The following ZNF337 variants were observed in gnomAD, a reference collection of about 807,000 sequenced individuals.
The protein encoded by ZNF337 is zinc finger protein 337.
Under a neutral mutation model 12.1 loss-of-function variants are expected in ZNF337, and 8 were observed. That is an observed-to-expected ratio of 0.66 (90% CI 0.39 to 1.19). The LOEUF is 1.19. Ranked by LOEUF, ZNF337 falls within the 50% of genes most tolerant of loss-of-function variation. ZNF337 has a pLI of 0.01. For synonymous variants in ZNF337, 336 were observed against 320.0 expected (o/e 1.05, Z -0.53); for missense variants, 882 against 896.6 (o/e 0.98, Z 0.21).
Position 25,675,186 on chromosome 20 carries a change from G to A in ZNF337, c.2102C>T (p.Thr701Ile), listed in dbSNP as rs565251137. Residue 701 changes from threonine (T) to isoleucine (I), a missense_variant, in exon 5 of 5, where the codon ACT becomes ATT. Physicochemically the swap from Thr to Ile is moderately conservative, Grantham distance 89 (BLOSUM62 -1). Coordinates refer to ENST00000252979, the MANE Select transcript of ZNF337 (RefSeq NM_015655.4). ...TCCTGTGTGTATTCTTTCATGCACA[G>A]TGAGGTCTGACTTACTGGTATAGCC... ...KRGYTSKSDL[T>I]VHERIHTGER... 2 of 1,614,252 alleles carry A rather than the reference G, an allele frequency of 1.2e-6. No homozygotes were observed. Among genetic ancestry groups the A allele is most frequent in the Non-Finnish European group, 1.7e-6 (2 of 1,180,046 alleles).
chr20:25,687,399 A>C (rs1342713232), intron 1 of ZNF337, among the ~76,000 whole-genome samples: 4 of 152,242 alleles, frequency 2.6e-5, no homozygotes, highest in African/African-American at 9.6e-5. Context: ...ATTTCATTAG[A>C]GTATTCACTA....
intron 1 of ZNF337, among the ~76,000 whole-genome samples, chr20:25,692,268 A>C (rs1569017243): frequency 6.6e-6 from 1 of 152,208 alleles, no homozygotes; most frequent in African/African-American, 2.4e-5. Context: ...TTTCTGCATA[A>C]ACTGGGTAAT....
At chr20:25,692,374 A>C (rs1437236900) in intron 1 of ZNF337, among the ~76,000 whole-genome samples, 1 of 152,180 alleles carries the variant, frequency 6.6e-6, no homozygotes, top group African/African-American at 2.4e-5. Context: ...TAGTCCTCAG[A>C]GAAGTAGCTG....
chr20:25,685,479 G>A lies in ZNF337; in HGVS notation c.250+88C>T, dbSNP rs912609588. On this transcript the variant is annotated intron_variant, in intron 4 of 4. Transcript: ENST00000252979. ...AAGAGCAGCCAAGGAGGCCAGAACA[G>A]CTTCCAGGTCCCCTGGCCTCAGAGA... is the stretch of plus-strand genomic sequence containing the variant. 5 of 1,130,356 alleles carry A rather than the reference G, an allele frequency of 4.4e-6. No homozygotes were observed. In the African/African-American group the frequency reaches 6.2e-5, roughly 14 times the overall value. The allele number at this position is 1,130,356 out of a possible 1,614,324, so 70.0% of individuals were successfully genotyped here. A position where few individuals can be genotyped will look rare whatever the true frequency, so the allele number is the denominator to read the frequency against.
intron 4 of ZNF337, chr20:25,680,808 C>CT (rs1188548144): frequency 2.0e-5 from 3 of 152,242 alleles, no homozygotes; most frequent in Non-Finnish European, 4.4e-5. Context: ...ACTGAACCAG[C>CT]TTTGTCATCC....
chr20:25,694,478 G>A (rs1391272220), intron 1 of ZNF337, among the ~76,000 whole-genome samples: 1 of 152,042 alleles, frequency 6.6e-6, no homozygotes, highest in Admixed American at 6.5e-5. Context: ...CTACTTGGGG[G>A]TTCTGCTGAC....
chr20:25,685,698 G>A (rs1173919213), intron 3 of ZNF337, 36 bp from the exon 4 acceptor site: 5 of 1,583,278 alleles, frequency 3.2e-6, no homozygotes, highest in African/African-American at 1.3e-5. Flanking sequence ...GGTGACTCCT[G>A]GTTGTAGGCT....
rs775186278 is a variant in ZNF337 at position 25,676,791 on chromosome 20, T to A, written c.497A>T (p.Asp166Val). The change falls in exon 5 of 5, where the codon GAC becomes GTC. Residue 166 changes from aspartate (D) to valine (V), a missense_variant. Physicochemically the swap from Asp to Val is radical, Grantham distance 152. Coordinates refer to ENST00000252979, the MANE Select transcript of ZNF337 (RefSeq NM_015655.4). ...ATTTTCTATTCCTTTCAATACTTTG[T>A]CTATTTCTGTAGGATTTTCCCTCTG... ...QGQRENPTEI[D>V]KVLKGIENSR... The A allele has an allele frequency of 1.2e-6, 2 of 1,614,238 alleles. No individual in the cohort carries two copies. Among genetic ancestry groups the A allele is most frequent in the South Asian group, 1.1e-5 (1 of 91,086 alleles).
intron 4 of ZNF337, among the ~76,000 whole-genome samples, chr20:25,682,578 A>G (rs2065779972): frequency 6.6e-6 from 1 of 152,172 alleles, no homozygotes; most frequent in Admixed American, 6.5e-5. Context: ...TATGTCTGTA[A>G]TCCCAGCACT....
In ZNF337 at chr20:25,675,553, G is replaced by C; in HGVS notation, c.1735C>G (p.Arg579Gly). ...ERPFNCKDCG[R>G]GFILKSTLLF... ...AGAGTTGATTTTAGGATGAAGCCTC[G>C]CCCGCAATCCTTGCAATTAAATGGC... Residue 579 changes from arginine (R) to glycine (G), a missense_variant, in exon 5 of 5, where the codon CGA (arginine) becomes GGA (glycine). Physicochemically the swap from Arg to Gly is moderately radical, Grantham distance 125. Coordinates refer to ENST00000252979, the MANE Select transcript of ZNF337 (RefSeq NM_015655.4). 5 of 1,613,932 alleles carry C rather than the reference G, an allele frequency of 3.1e-6. No individual in the cohort carries two copies. Among genetic ancestry groups the C allele is most frequent in the Non-Finnish European group, 4.2e-6 (5 of 1,179,976 alleles).
At chr20:25,692,244 T>C (rs546222253) in intron 1 of ZNF337, among the ~76,000 whole-genome samples, 17 of 152,330 alleles carry the variant, frequency 1.1e-4, no homozygotes, top group Admixed American at 3.9e-4. Flanking sequence ...GAGAAATTTT[T>C]GAGACCTGGA....
intron 1 of ZNF337, among the ~76,000 whole-genome samples, chr20:25,687,987 T>C (rs775841394): frequency 1.3e-5 from 2 of 152,268 alleles, no homozygotes; most frequent in African/African-American, 4.8e-5. Context: ...TTGACTCTGA[T>C]ACTTTTTGGT....
At chr20:25,684,023 G>A (rs914130561) in intron 4 of ZNF337, among the ~76,000 whole-genome samples, 16 of 151,918 alleles carry the variant, frequency 1.1e-4, no homozygotes, top group South Asian at 4.2e-4. Context: ...CTATGCAGCC[G>A]TAAAAAATGA....
chr20:25,674,935 T>A lies in ZNF337; in HGVS notation c.*97A>T. 3 of 1,134,232 alleles carry A rather than the reference T, an allele frequency of 2.6e-6. No individual in the cohort carries two copies. Among genetic ancestry groups the A allele is most frequent in the Non-Finnish European group, 3.8e-6 (3 of 790,392 alleles). The allele number at this position is 1,134,232 out of a possible 1,614,324, so 70.3% of individuals were successfully genotyped here. A position where few individuals can be genotyped will look rare whatever the true frequency, so the allele number is the denominator to read the frequency against. ...CTCTGGATTCTGTCTGCCTCTGTTA[T>A]ATCTTCACGAACAAGTTATGCAGCC... On this transcript the variant is annotated 3_prime_UTR_variant, in exon 5 of 5. Transcript: ENST00000252979.
At chr20:25,694,122 A>C (rs563474621) in intron 1 of ZNF337, among the ~76,000 whole-genome samples, 1 of 152,316 alleles carries the variant, frequency 6.6e-6, no homozygotes, top group Non-Finnish European at 1.5e-5. Context: ...GTTGATATTC[A>C]TTATAATATT....
rs781193831 is a variant in ZNF337, at chr20:25,675,753, C to T, written c.1535G>A (p.Gly512Asp). ...SYNKHLRAHL[G>D]EKRFFCRDCG... ...ATCCCTGCAGAAAAAACGTTTCTCA[C>T]CCAAGTGTGCCCTCAGGTGCTTGTT... is the stretch of plus-strand genomic sequence containing the variant. Residue 512 changes from glycine (G) to aspartate (D), a missense_variant, in exon 5 of 5, where the codon GGT becomes GAT. Gly to Asp is a moderately conservative substitution (Grantham distance 94, BLOSUM62 -1). Coordinates refer to ENST00000252979, the MANE Select transcript of ZNF337 (RefSeq NM_015655.4). 1.2e-6 allele frequency: 2 copies of T among 1,613,960 alleles called. No individual in the cohort carries two copies. Among genetic ancestry groups the T allele is most frequent in the Non-Finnish European group, 8.5e-7 (1 of 1,180,006 alleles).
In ZNF337 at chr20:25,675,777, T is replaced by TTATAGGAGGAC; in HGVS notation, c.1500_1510dup (p.Asn504SerfsTer8). 6.2e-7 allele frequency: 1 copy of TTATAGGAGGAC among 1,613,212 alleles called. No homozygotes were observed. The highest frequency in any genetic ancestry group is 1.1e-5 in the South Asian group (1 of 91,032). On this transcript the variant is annotated frameshift_variant, in exon 5 of 5. Transcript: ENST00000252979. LOFTEE classifies it low-confidence loss of function (END_TRUNC). ...ACCCAAGTGTGCCCTCAGGTGCTTG[T>TTATAGGAGGAC]TATAGGAGGACTTATCCCGAAACCT...
rs200420547 is a variant in ZNF337, at chr20:25,676,750, A to C, written c.538T>G (p.Phe180Val). ...KGIENSRWGA[F>V]KCAERGQDFS... is the part of the protein sequence containing the mutation. ...TCTTGCCCACGCTCTGCACACTTGA[A>C]TGCTCCCCATCTTGAATTTTCTATT... The change falls in exon 5 of 5, where the codon TTC becomes GTC. Residue 180 changes from phenylalanine (F) to valine (V), a missense_variant. By Grantham distance (50) the Phe-to-Val change is conservative. Coordinates refer to ENST00000252979, the MANE Select transcript of ZNF337 (RefSeq NM_015655.4). The C allele has an allele frequency of 5.8e-5, 94 of 1,614,022 alleles. No individual in the cohort carries two copies. Among genetic ancestry groups the C allele is most frequent in the Non-Finnish European group, 1.7e-5 (20 of 1,180,034 alleles).
Position 25,676,178 on chromosome 20 carries a change from G to T in ZNF337, c.1110C>A (p.His370Gln). 6.2e-7 allele frequency: 1 copy of T among 1,614,114 alleles called. No individual in the cohort carries two copies. The highest frequency in any genetic ancestry group is 8.5e-7 in the Non-Finnish European group (1 of 1,180,032). ...KSHLITHQRT[H>Q]SGEKPFACRQ... ...TGCACGCAAAGGGCTTCTCCCCTGA[G>T]TGTGTCCTCTGGTGTGTGATAAGGT... The change falls in exon 5 of 5, where the codon CAC becomes CAA. Residue 370 changes from histidine to glutamine, a missense_variant. Coordinates refer to ENST00000252979, the MANE Select transcript of ZNF337 (RefSeq NM_015655.4).
Sources: gnomAD v4.1 joint callset for allele counts (sites outside exome capture counted in the v4.1 genomes callset) on GRCh38, gnomAD v4.1.1 for gene constraint, MANE v1.5 for transcripts, NCBI Gene and HGNC (gene_info 2026-07-23, HGNC 2026-07-21) for gene names.